The following SLC24A2 variants were observed in gnomAD, a reference collection of about 807,000 sequenced individuals.
The protein encoded by SLC24A2 is solute carrier family 24 member 2, also known as sodium/potassium/calcium exchanger 2.
In SLC24A2, 36 loss-of-function variants were observed where a neutral mutation model predicts 62.0. The ratio of observed to expected loss-of-function variants is 0.58; its 90% confidence interval spans 0.44 to 0.77. The LOEUF is 0.77. Ranked by LOEUF, SLC24A2 falls within the 30% of genes least tolerant of loss-of-function variation. SLC24A2 has a pLI of 0.00. For missense variants in SLC24A2, 846 were observed against 817.9 expected (o/e 1.03, Z -0.42); for synonymous variants, 358 against 294.0 (o/e 1.22, Z -2.23).
At chr9:19,870,542 G>C in the SLC24A2 span, among the ~76,000 whole-genome samples, 1 of 152,116 alleles carries the variant, frequency 6.6e-6, no homozygotes, top group Non-Finnish European at 1.5e-5. Context: ...GTATTACTGA[G>C]TCATATGGTA....
At chr9:19,557,037 C>T (rs1028450550) in intron 7 of SLC24A2, among the ~76,000 whole-genome samples, 1 of 152,150 alleles carries the variant, frequency 6.6e-6, no homozygotes, top group African/African-American at 2.4e-5. Context: ...TCCTTGAGAC[C>T]AGCCCCCTCA....
At chr9:19,524,543 G>C (rs1178292712) in intron 9 of SLC24A2, among the ~76,000 whole-genome samples, 1 of 151,834 alleles carries the variant, frequency 6.6e-6, no homozygotes, top group Non-Finnish European at 1.5e-5. Context: ...GATAACAAAA[G>C]AGTTGAACAC....
At chr9:19,986,916 A>T in the SLC24A2 span, among the ~76,000 whole-genome samples, 2 of 152,176 alleles carry the variant, frequency 1.3e-5, no homozygotes, top group African/African-American at 4.8e-5. Context: ...TGTTCAGTTT[A>T]AAATGGTTAA....
At chr9:19,546,607 C>G (rs1586933356) in intron 8 of SLC24A2, among the ~76,000 whole-genome samples, 2 of 152,166 alleles carry the variant, frequency 1.3e-5, no homozygotes, top group African/African-American at 4.8e-5. Flanking sequence ...AGTTGTGGAT[C>G]TTAGCTTGCT....
chr9:20,124,584 T>TA, the SLC24A2 span, among the ~76,000 whole-genome samples: 2 of 152,272 alleles, frequency 1.3e-5, no homozygotes, highest in East Asian at 3.9e-4. Flanking sequence ...TTTCCTTTGT[T>TA]ACGTACCTAG....
the SLC24A2 span, among the ~76,000 whole-genome samples, chr9:20,125,267 T>C: frequency 6.6e-6 from 1 of 152,192 alleles, no homozygotes; most frequent in Non-Finnish European, 1.5e-5. Flanking sequence ...ACTCCTATTA[T>C]GACCTGGATA....
intron 2 of SLC24A2, among the ~76,000 whole-genome samples, chr9:19,779,887 G>A (rs1822959444): frequency 7.7e-6 from 1 of 129,214 alleles, no homozygotes; most frequent in Non-Finnish European, 1.7e-5. Flanking sequence ...GTGAAACCCC[G>A]TCTCTAGTAA....
At chr9:20,076,862 T>A in the SLC24A2 span, among the ~76,000 whole-genome samples, 2 of 6,126 alleles carry the variant, frequency 3.3e-4, no homozygotes, top group African/African-American at 1.2e-3. Context: ...ATATCATATG[T>A]ATATATATAT....
the SLC24A2 span, chr9:19,895,896 G>A: frequency 1.2e-6 from 2 of 1,613,322 alleles, no homozygotes; most frequent in African/African-American, 1.3e-5. Flanking sequence ...TGATGCGCCG[G>A]GCAGGGTCAA....
the SLC24A2 span, among the ~76,000 whole-genome samples, chr9:20,178,772 A>G: frequency 6.6e-6 from 1 of 152,180 alleles, no homozygotes; most frequent in South Asian, 2.1e-4. Context: ...ATTCTTTTAT[A>G]TAAGTGCCAG....
At chr9:19,918,741 T>C in the SLC24A2 span, among the ~76,000 whole-genome samples, 1 of 152,108 alleles carries the variant, frequency 6.6e-6, no homozygotes, top group Non-Finnish European at 1.5e-5. Context: ...CCACATGTGG[T>C]CCAAGAAAAG....
At chr9:20,300,810 C>T in the SLC24A2 span, among the ~76,000 whole-genome samples, 8 of 152,134 alleles carry the variant, frequency 5.3e-5, no homozygotes, top group Admixed American at 5.2e-4. Context: ...GTCTTAGGGG[C>T]AATGCTTTGT....
At chr9:19,976,977 G>C in the SLC24A2 span, among the ~76,000 whole-genome samples, 5 of 152,152 alleles carry the variant, frequency 3.3e-5, no homozygotes, top group African/African-American at 4.8e-5. Context: ...GTGCAATAAA[G>C]ATCAGCAAAG....
chr9:20,291,943 G>A, the SLC24A2 span, among the ~76,000 whole-genome samples: 1 of 152,154 alleles, frequency 6.6e-6, no homozygotes, highest in Non-Finnish European at 1.5e-5. Context: ...AGTGAAGGGG[G>A]CAGGAAGGAA....
chr9:19,582,217 CAT>C (rs1489294447), intron 5 of SLC24A2, among the ~76,000 whole-genome samples: 1 of 152,130 alleles, frequency 6.6e-6, no homozygotes, highest in Admixed American at 6.5e-5. Flanking sequence ...ATCATTCTGA[CAT>C]AAAACAGAAG....
chr9:19,894,448 A>T, the SLC24A2 span, among the ~76,000 whole-genome samples: 25 of 152,306 alleles, frequency 1.6e-4, no homozygotes, highest in South Asian at 4.2e-4. Flanking sequence ...CCTGAATCAA[A>T]CATTGGCAAA....
At chr9:19,595,266 C>G (rs1836674792) in intron 5 of SLC24A2, among the ~76,000 whole-genome samples, 2 of 152,202 alleles carry the variant, frequency 1.3e-5, no homozygotes, top group South Asian at 4.1e-4. Flanking sequence ...TGGAATCAGC[C>G]TTGCCTTTTT....
the SLC24A2 span, among the ~76,000 whole-genome samples, chr9:20,037,354 C>T: frequency 5.9e-5 from 9 of 152,052 alleles, no homozygotes; most frequent in East Asian, 1.9e-4. Context: ...TGAATGTTTT[C>T]GATTTGAAGT....
the SLC24A2 span, among the ~76,000 whole-genome samples, chr9:20,200,003 C>T: frequency 6.6e-6 from 1 of 151,106 alleles, no homozygotes; most frequent in African/African-American, 2.4e-5. Flanking sequence ...AGTGCTGGGA[C>T]TACAGGCGTG....
Sources: gnomAD v4.1 joint callset for allele counts (sites outside exome capture counted in the v4.1 genomes callset) on GRCh38, gnomAD v4.1.1 for gene constraint, MANE v1.5 for transcripts, NCBI Gene and HGNC (gene_info 2026-07-23, HGNC 2026-07-21) for gene names.